The following SGCD variants were observed in gnomAD, a reference collection of about 807,000 sequenced individuals.
The protein encoded by SGCD is sarcoglycan delta, also known as delta-sarcoglycan.
SGCD carries 18 observed loss-of-function variants against 36.6 expected under a neutral mutation model. The ratio of observed to expected loss-of-function variants is 0.49; its 90% CI spans 0.34 to 0.73. SGCD has a LOEUF of 0.73. Among genes scored for constraint, SGCD ranks in the 30% least tolerant of loss-of-function variants. The pLI is 0.01. For synonymous variants in SGCD, 133 were observed against 130.6 expected (o/e 1.02, Z -0.12); for missense variants, 387 against 346.7 (o/e 1.12, Z -0.92).
intron 3 of SGCD, among the ~76,000 whole-genome samples, chr5:156,300,235 A>G (rs1421612506): frequency 6.6e-6 from 1 of 151,874 alleles, no homozygotes; most frequent in South Asian, 2.1e-4. Context: ...TTATTTATTT[A>G]TTTATTTTTG....
chr5:155,947,257 G>A (rs576490447), intron 1 of SGCD, among the ~76,000 whole-genome samples: 29 of 150,366 alleles, frequency 1.9e-4, no homozygotes, highest in Middle Eastern at 3.4e-3. Context: ...GGAAATTGAC[G>A]CTCACATTGT....
At chr5:156,181,941 A>C (rs1763618663) in intron 3 of SGCD, among the ~76,000 whole-genome samples, 1 of 152,238 alleles carries the variant, frequency 6.6e-6, no homozygotes, top group Admixed American at 6.5e-5. Flanking sequence ...CAAGGAAGGC[A>C]TCTGGGAGTC....
At chr5:156,593,132 G>A (rs1248778308) in intron 5 of SGCD, among the ~76,000 whole-genome samples, 2 of 152,164 alleles carry the variant, frequency 1.3e-5, no homozygotes, top group Non-Finnish European at 2.9e-5. Flanking sequence ...CAATGTTATA[G>A]ATGCAGAAAC....
intron 3 of SGCD, among the ~76,000 whole-genome samples, chr5:156,387,938 G>A (rs1404491442): frequency 6.6e-6 from 1 of 152,118 alleles, no homozygotes; most frequent in Non-Finnish European, 1.5e-5. Flanking sequence ...TCCAATTCTT[G>A]TGTTCTTCCC....
intron 3 of SGCD, among the ~76,000 whole-genome samples, chr5:156,399,261 T>C (rs767770755): frequency 6.0e-4 from 92 of 152,338 alleles, no homozygotes; most frequent in Non-Finnish European, 1.1e-3. Flanking sequence ...AAAGAGCTCA[T>C]TGTTATAGGC....
At chr5:156,208,432 A>G (rs1764347934) in intron 3 of SGCD, among the ~76,000 whole-genome samples, 2 of 152,248 alleles carry the variant, frequency 1.3e-5, no homozygotes, top group South Asian at 4.1e-4. Flanking sequence ...AGGAACTAGC[A>G]TTCTGACTCT....
At chr5:156,133,899 T>G (rs1762387301) in intron 3 of SGCD, among the ~76,000 whole-genome samples, 1 of 146,862 alleles carries the variant, frequency 6.8e-6, no homozygotes. Flanking sequence ...ATTTAGGTCT[T>G]ATTTGCCGGG....
At chr5:156,434,080 C>T (rs1469117368) in intron 3 of SGCD, among the ~76,000 whole-genome samples, 1 of 152,226 alleles carries the variant, frequency 6.6e-6, no homozygotes, top group South Asian at 2.1e-4. Context: ...GGCCACGTGC[C>T]ACTCCTGCAG....
chr5:156,362,759 G>A (rs527655434), intron 3 of SGCD, among the ~76,000 whole-genome samples: 91 of 152,286 alleles, frequency 6.0e-4, no homozygotes, highest in African/African-American at 2.2e-3. Context: ...ATACTTGGGA[G>A]CATTTCATGA....
chr5:155,808,444 G>A, the SGCD span, among the ~76,000 whole-genome samples: 1 of 152,170 alleles, frequency 6.6e-6, no homozygotes, highest in Non-Finnish European at 1.5e-5. Flanking sequence ...CACAATGAGA[G>A]ACAGAGACAC....
chr5:156,482,808 G>A (rs1272386484), intron 3 of SGCD, among the ~76,000 whole-genome samples: 1 of 117,880 alleles, frequency 8.5e-6, no homozygotes, highest in Non-Finnish European at 1.8e-5. Context: ...TTATCCTTTT[G>A]GTCAGTTTTT....
intron 6 of SGCD, among the ~76,000 whole-genome samples, chr5:156,641,962 C>T (rs1763042515): frequency 1.3e-5 from 2 of 152,164 alleles, no homozygotes; most frequent in Non-Finnish European, 2.9e-5. Context: ...GCAGATACTA[C>T]AGACTGGATG....
At chr5:156,530,681 G>A (rs971239414) in intron 4 of SGCD, among the ~76,000 whole-genome samples, 1 of 151,668 alleles carries the variant, frequency 6.6e-6, no homozygotes, top group Non-Finnish European at 1.5e-5. Context: ...CCTGGTTCAA[G>A]CAACTCTTCT....
chr5:156,735,641 G>T (rs76691977), intron 7 of SGCD, among the ~76,000 whole-genome samples: 13 of 152,098 alleles, frequency 8.5e-5, no homozygotes, highest in Non-Finnish European at 1.3e-4. Flanking sequence ...GCTCTGTCCC[G>T]GGTAGGTGCA....
chr5:156,689,834 T>C (rs1754044770), intron 7 of SGCD, among the ~76,000 whole-genome samples: 1 of 152,174 alleles, frequency 6.6e-6, no homozygotes. Flanking sequence ...CTGGAAATAG[T>C]CATTATGTGT....
intron 3 of SGCD, among the ~76,000 whole-genome samples, chr5:156,156,888 G>A (rs1762977228): frequency 6.6e-6 from 1 of 151,546 alleles, no homozygotes; most frequent in African/African-American, 2.4e-5. Flanking sequence ...GTGGTTTACT[G>A]TTGCCTTCTG....
At chr5:156,205,003 C>T (rs1349953470) in intron 3 of SGCD, among the ~76,000 whole-genome samples, 1 of 152,046 alleles carries the variant, frequency 6.6e-6, no homozygotes, top group Non-Finnish European at 1.5e-5. Context: ...ATGAGATGGA[C>T]ATATATTATT....
intron 1 of SGCD, among the ~76,000 whole-genome samples, chr5:155,903,380 G>A (rs1378938037): frequency 6.6e-6 from 1 of 152,094 alleles, no homozygotes; most frequent in Non-Finnish European, 1.5e-5. Flanking sequence ...TTTTGTTGTT[G>A]TTGCTGCTGT....
rs564904829 is a variant in SGCD at position 156,598,139 on chromosome 5, T to G, written c.502+3088T>G. On this transcript the variant is annotated intron_variant, in intron 6 of 8. Transcript: ENST00000337851. ...ACATGTAAATATGTTCCTAAGACTT[T>G]TCCTATTTTCACAATTTATGCTTTC... Among the ~76,000 whole-genome samples, 4 of 152,336 alleles carry G rather than the reference T, an allele frequency of 2.6e-5. No homozygotes were observed. The East Asian group carries it at 5.8e-4, about 22-fold the overall frequency.
Sources: allele counts gnomAD v4.1 joint callset (sites outside exome capture counted in the v4.1 genomes callset), GRCh38; gene constraint gnomAD v4.1.1; transcripts MANE v1.5; gene names NCBI Gene and HGNC (gene_info 2026-07-23, HGNC 2026-07-21).